The following RNF145 variants were observed in gnomAD, a reference collection of about 807,000 sequenced individuals.
RNF145 encodes ring finger protein 145.
RNF145 carries 12 observed loss-of-function variants against 57.3 expected under a neutral mutation model. The ratio of observed to expected loss-of-function variants is 0.21; its 90% CI spans 0.13 to 0.34. RNF145 has a LOEUF of 0.34. Among genes scored for constraint, RNF145 ranks in the 10% least tolerant of loss-of-function variants. The probability of loss-of-function intolerance (pLI) is 1.00; values close to 1 mark genes in which losing one functional copy is unlikely to be tolerated. For synonymous variants in RNF145, 262 were observed against 288.3 expected, an observed-to-expected ratio of 0.91 and a Z score of 0.92; for missense variants, 429 against 799.0, an observed-to-expected ratio of 0.54 and a Z score of 5.58.
intron 4 of RNF145, among the ~76,000 whole-genome samples, chr5:159,178,176 T>G (rs1012909015): frequency 9.2e-5 from 14 of 152,000 alleles, no homozygotes; most frequent in Non-Finnish European, 2.1e-4. Context: ...TTTCTTTTAG[T>G]AATTTTTAGC....
At chr5:159,195,709 CTA>C (rs1209471322) in intron 2 of RNF145, among the ~76,000 whole-genome samples, 1 of 152,162 alleles carries the variant, frequency 6.6e-6, no homozygotes, top group South Asian at 2.1e-4. Context: ...CTGTTTTTCT[CTA>C]TATATAAAGT....
chr5:159,209,737 A>G (rs890594379), upstream of RNF145: 17 of 1,142,684 alleles, frequency 1.5e-5, no homozygotes, highest in Middle Eastern at 2.7e-4. Flanking sequence ...TCGGGTGGCT[A>G]TGGAGAGGCG....
intron 3 of RNF145, among the ~76,000 whole-genome samples, chr5:159,186,905 C>T (rs961376014): frequency 6.6e-6 from 1 of 152,102 alleles, no homozygotes; most frequent in African/African-American, 2.4e-5. Context: ...ATCACTTGAG[C>T]CCTGGAGGCG....
chr5:159,179,162 G>T (rs983065203), intron 4 of RNF145, among the ~76,000 whole-genome samples: 1 of 151,910 alleles, frequency 6.6e-6, no homozygotes, highest in African/African-American at 2.4e-5. Context: ...TCAGTGCTGG[G>T]GTTACAGGCT....
chr5:159,170,221 A>C (rs1324008778), intron 6 of RNF145, among the ~76,000 whole-genome samples: 1 of 152,188 alleles, frequency 6.6e-6, no homozygotes, highest in Non-Finnish European at 1.5e-5. Flanking sequence ...CTACATTATA[A>C]TATGAATACT....
intron 3 of RNF145, 95 bp downstream of exon 3, chr5:159,194,621 T>C (rs1266823518): frequency 1.3e-6 from 1 of 796,940 alleles, no homozygotes; most frequent in Non-Finnish European, 2.1e-6. Flanking sequence ...ACCAAAGCCT[T>C]AGCTTTACTT....
intron 10 of RNF145, among the ~76,000 whole-genome samples, chr5:159,160,711 TA>T (rs1158652603): frequency 6.6e-6 from 1 of 152,232 alleles, no homozygotes; most frequent in African/African-American, 2.4e-5. Flanking sequence ...GTGCATGTGC[TA>T]AAGACTATAG....
At chr5:159,179,675 T>C (rs944292720) in intron 4 of RNF145, among the ~76,000 whole-genome samples, 1 of 152,126 alleles carries the variant, frequency 6.6e-6, no homozygotes, top group African/African-American at 2.4e-5. Context: ...TTACAAGCTT[T>C]CTAACTTGGC....
chr5:159,159,824 A>G (rs1784155215), intron 10 of RNF145, among the ~76,000 whole-genome samples: 1 of 152,234 alleles, frequency 6.6e-6, no homozygotes, highest in Non-Finnish European at 1.5e-5. Flanking sequence ...TAAAGTTATA[A>G]AGACATAACG....
chr5:159,185,962 G>A (rs1281435830), intron 3 of RNF145, among the ~76,000 whole-genome samples: 1 of 152,098 alleles, frequency 6.6e-6, no homozygotes. Flanking sequence ...GGTAGCTCAA[G>A]CCTGTAATCC....
chr5:159,191,079 CAAAAAAA>C (rs545613338), intron 3 of RNF145, among the ~76,000 whole-genome samples: 1 of 61,328 alleles, frequency 1.6e-5, no homozygotes, highest in Non-Finnish European at 3.4e-5. Context: ...AGCTGATGAG[CAAAAAAA>C]AAAAAAAAAG....
At chr5:159,169,643 T>C (rs1784485704) in intron 7 of RNF145, 36 bp downstream of exon 7, 2 of 1,478,972 alleles carry the variant, frequency 1.4e-6, no homozygotes, top group Non-Finnish European at 1.8e-6. Flanking sequence ...ATCTATAGTA[T>C]TTACATTTCT....
chr5:159,173,087 C>T (rs1784607241), intron 6 of RNF145, among the ~76,000 whole-genome samples: 1 of 152,010 alleles, frequency 6.6e-6, no homozygotes, highest in Non-Finnish European at 1.5e-5. Context: ...TTTAAAAAGA[C>T]AAAACAAAAC....
At chr5:159,163,458 C>T (rs941204870) in intron 8 of RNF145, among the ~76,000 whole-genome samples, 1 of 152,198 alleles carries the variant, frequency 6.6e-6, no homozygotes, top group Non-Finnish European at 1.5e-5. Flanking sequence ...AATCTTATGA[C>T]ACCCTCTTCC....
At chr5:159,163,887 C>T (rs1222455066) in intron 8 of RNF145, among the ~76,000 whole-genome samples, 1 of 152,300 alleles carries the variant, frequency 6.6e-6, no homozygotes, top group Middle Eastern at 3.4e-3. Context: ...ATCATGCTCT[C>T]CATTTCTCTA....
chr5:159,186,825 T>A (rs1359582671), intron 3 of RNF145, among the ~76,000 whole-genome samples: 1 of 152,118 alleles, frequency 6.6e-6, no homozygotes, highest in East Asian at 1.9e-4. Flanking sequence ...CCTGTCAAAA[T>A]TAAGTTTAGA....
chr5:159,209,645 A>G, upstream of RNF145: 2 of 967,462 alleles, frequency 2.1e-6, no homozygotes, highest in Non-Finnish European at 2.7e-6. Context: ...CTCACTCACA[A>G]TCGCGCCCGC....
Position 159,209,504 on chromosome 5 carries a change from T to TCGGCGCCGGCGGCGGCGGCGGCGGCGG in RNF145, c.-314_-313insCCGCCGCCGCCGCCGCCGCCGGCGCCG, listed in dbSNP as rs1554148176. ...AGCCCCTTAGCAGCCGGCGCCGGCG[T>TCGGCGCCGGCGGCGGCGGCGGCGGCGG]CGGCGGCCATGGCCTCCTGCGTTTG... On this transcript the variant is annotated 5_prime_UTR_variant, in exon 1 of 11. Transcript: ENST00000424310. 1 of 944,594 alleles carries TCGGCGCCGGCGGCGGCGGCGGCGGCGG rather than the reference T, an allele frequency of 1.1e-6. No individual in the cohort carries two copies. Among genetic ancestry groups the TCGGCGCCGGCGGCGGCGGCGGCGGCGG allele is most frequent in the South Asian group, 4.7e-5 (1 of 21,224 alleles). 58.5% of individuals were successfully genotyped at this position (944,594 alleles called of 1,614,324 possible).
Position 159,209,269 on chromosome 5 carries a change from C to T in RNF145, c.-78G>A. On this transcript the variant is annotated 5_prime_UTR_variant, in exon 1 of 11. Coordinates refer to ENST00000424310, the MANE Select transcript of RNF145 (RefSeq NM_001199383.2). The stretch of plus-strand genomic sequence containing the variant: ...CTCCCTCCCTGGGGAGCGGCGCTGC[C>T]GGCGGGCGGGCTCCGCAACTCCCCG... 1.0e-6 allele frequency: 1 copy of T among 985,268 alleles called. No individual in the cohort carries two copies. Among genetic ancestry groups the T allele is most frequent in the Non-Finnish European group, 1.2e-6 (1 of 829,838 alleles). The allele number at this position is 985,268 out of a possible 1,614,324, so 61.0% of individuals were successfully genotyped here. A position where few individuals can be genotyped will look rare whatever the true frequency, so the allele number is the denominator to read the frequency against.
Sources: gnomAD v4.1 joint callset for allele counts (sites outside exome capture counted in the v4.1 genomes callset) on GRCh38, gnomAD v4.1.1 for gene constraint, MANE v1.5 for transcripts, NCBI Gene and HGNC (gene_info 2026-07-23, HGNC 2026-07-21) for gene names.